The following RTN1 variants were observed in gnomAD, a reference collection of about 807,000 sequenced individuals.
RTN1 encodes the protein reticulon-1.
A neutral mutation model predicts 65.5 loss-of-function variants in RTN1; 25 were observed. The observed-to-expected ratio is 0.38, with a 90% CI of 0.28 to 0.53. The LOEUF is 0.53. Among genes scored for constraint, RTN1 ranks in the 20% least tolerant of loss-of-function variants. The pLI, the probability that RTN1 is intolerant of heterozygous loss-of-function variation, is 0.79. For synonymous variants in RTN1, 471 were observed against 447.6 expected (o/e 1.05, Z -0.66); for missense variants, 983 against 1,025.4 (o/e 0.96, Z 0.57).
rs77180956 is a variant in RTN1 at position 59,745,908 on chromosome 14, C to T, written c.815G>A (p.Arg272His). ...PYIDDLSEEQRRAPQITTPVK... is the reference protein window; with the variant it reads ...PYIDDLSEEQHRAPQITTPVK... ...AGGGGTGGTGATCTGAGGAGCCCTG[C>T]GCTGTTCTTCAGAGAGATCATCTAT... The change falls in exon 2 of 9, where the codon CGC becomes CAC. Residue 272 changes from arginine to histidine, a missense_variant. Around this residue, in one of 2 missense-constraint regions of RTN1, gnomAD observed 818 missense variants for 801.8 expected, o/e 1.02. Coordinates refer to ENST00000267484, the MANE Select transcript of RTN1 (RefSeq NM_021136.3). 2.1e-3 allele frequency: 3,448 copies of T among 1,613,960 alleles called. 63 individuals are homozygous for T. In the African/African-American group the frequency reaches 0.041, roughly 19 times the overall value.
intron 8 of RTN1, among the ~76,000 whole-genome samples, chr14:59,599,494 G>C (rs7151795): frequency 0.96 from 146,490 of 152,270 alleles, 70,668 homozygotes; most frequent in East Asian, 1. Flanking sequence ...ACATACCTTG[G>C]CCCAGACACA....
At chr14:59,679,748 C>A (rs565356916) in intron 3 of RTN1, among the ~76,000 whole-genome samples, 12 of 152,192 alleles carry the variant, frequency 7.9e-5, no homozygotes, top group Non-Finnish European at 1.8e-4. Flanking sequence ...CTTATTGCCA[C>A]AGACACTTCA....
Position 59,727,685 on chromosome 14 carries a change from C to A in RTN1, c.1016-17G>T, listed in dbSNP as rs763522719. 6.4e-7 allele frequency: 1 copy of A among 1,571,174 alleles called. No individual in the cohort carries two copies. Among genetic ancestry groups the A allele is most frequent in the South Asian group, 1.2e-5 (1 of 85,216 alleles). The stretch of plus-strand genomic sequence containing the variant: ...CAGATGGTTCTGTCGTCCCACAGAG[C>A]GAAGGAGAGCCACGGAGGCACACAC... On this transcript the variant is annotated splice_polypyrimidine_tract_variant and intron_variant, in intron 2 of 8. Transcript: ENST00000267484. The surrounding 1 kb of genome is among the most constrained non-coding windows in gnomAD (Gnocchi z 4.2).
chr14:59,770,026 TA>T (rs1414088195), intron 1 of RTN1, among the ~76,000 whole-genome samples: 2 of 152,112 alleles, frequency 1.3e-5, no homozygotes, highest in African/African-American at 4.8e-5. Flanking sequence ...CTGTCACGTA[TA>T]GTTGACACTA....
At chr14:59,814,714 T>C (rs1886788849) in intron 1 of RTN1, among the ~76,000 whole-genome samples, 1 of 152,224 alleles carries the variant, frequency 6.6e-6, no homozygotes, top group African/African-American at 2.4e-5. Context: ...ATCTCATTCA[T>C]TCACTCATGT....
chr14:59,694,096 T>C (rs1440714342), intron 3 of RTN1, among the ~76,000 whole-genome samples: 7 of 152,206 alleles, frequency 4.6e-5, no homozygotes, highest in African/African-American at 1.7e-4. Flanking sequence ...TAATGCTAAA[T>C]ACCACCTTTC....
chr14:59,830,148 T>C (rs141867294), intron 1 of RTN1, among the ~76,000 whole-genome samples: 54 of 152,316 alleles, frequency 3.5e-4, no homozygotes, highest in East Asian at 5.8e-4. Flanking sequence ...CACCCTGCTG[T>C]TACAATTCCT....
At chr14:59,764,642 A>G (rs1276064704) in intron 1 of RTN1, among the ~76,000 whole-genome samples, 1 of 152,160 alleles carries the variant, frequency 6.6e-6, no homozygotes, top group Non-Finnish European at 1.5e-5. Context: ...AAAAATTGCA[A>G]ATAATCACTA....
intron 3 of RTN1, among the ~76,000 whole-genome samples, chr14:59,724,613 C>G (rs889842372): frequency 6.6e-6 from 1 of 152,092 alleles, no homozygotes; most frequent in Admixed American, 6.5e-5. Flanking sequence ...GCCTGTAATC[C>G]CAGCACTTTG....
intron 3 of RTN1, among the ~76,000 whole-genome samples, chr14:59,688,303 T>C (rs1172271741): frequency 6.6e-6 from 1 of 152,082 alleles, no homozygotes; most frequent in African/African-American, 2.4e-5. Flanking sequence ...TTTCAGCCAC[T>C]CCCCACCACC....
intron 1 of RTN1, among the ~76,000 whole-genome samples, chr14:59,866,489 C>A (rs1887800745): frequency 6.6e-6 from 1 of 151,988 alleles, no homozygotes; most frequent in Non-Finnish European, 1.5e-5. Flanking sequence ...GGAAAGTTAA[C>A]CTGAAAGCCT....
intron 3 of RTN1, among the ~76,000 whole-genome samples, chr14:59,689,048 T>C (rs1260832134): frequency 6.6e-6 from 1 of 151,788 alleles, no homozygotes; most frequent in East Asian, 1.9e-4. Context: ...CACGACAAGG[T>C]TGAAAATCAA....
chr14:59,687,533 A>G (rs1883872913), intron 3 of RTN1, among the ~76,000 whole-genome samples: 1 of 151,608 alleles, frequency 6.6e-6, no homozygotes, highest in African/African-American at 2.4e-5. Flanking sequence ...AGATCCTGGT[A>G]CAGCAGGCGT....
At chr14:59,787,060 G>C (rs1886261791) in intron 1 of RTN1, among the ~76,000 whole-genome samples, 1 of 152,096 alleles carries the variant, frequency 6.6e-6, no homozygotes, top group Admixed American at 6.5e-5. Context: ...AAGTTCAGAT[G>C]GTCTTCAGCT....
Position 59,727,714 on chromosome 14 carries a change from GAC to G in RTN1, c.1016-48_1016-47del. 6.5e-7 allele frequency: 1 copy of G among 1,531,818 alleles called. No homozygotes were observed. Among genetic ancestry groups the G allele is most frequent in the Non-Finnish European group, 8.8e-7 (1 of 1,141,220 alleles). The allele number at this position is 1,531,818 out of a possible 1,614,324, so 94.9% of individuals were successfully genotyped here. The stretch of plus-strand genomic sequence containing the variant: ...GGAGAGCCACGGAGGCACACACACG[GAC>G]AGACAGATGGACAGAGAGAGGAGGG... On this transcript the variant is annotated intron_variant, in intron 2 of 8. Coordinates refer to ENST00000267484, the MANE Select transcript of RTN1 (RefSeq NM_021136.3). The surrounding 1 kb of genome is among the most constrained non-coding windows in gnomAD (Gnocchi z 4.2).
chr14:59,604,113 T>G, intron 5 of RTN1, 192 bp from the exon 6 acceptor site: 1 of 398,684 alleles, frequency 2.5e-6, no homozygotes. Flanking sequence ...TGGAACTATT[T>G]GGATCACTTT....
At chr14:59,832,566 A>G (rs1887144229) in intron 1 of RTN1, among the ~76,000 whole-genome samples, 1 of 152,218 alleles carries the variant, frequency 6.6e-6, no homozygotes, top group East Asian at 1.9e-4. Context: ...GAAAGCCAAC[A>G]TCTTTCTAAA....
intron 2 of RTN1, among the ~76,000 whole-genome samples, chr14:59,744,479 G>A (rs1326866955): frequency 4.6e-5 from 7 of 152,200 alleles, no homozygotes; most frequent in Admixed American, 4.6e-4. Flanking sequence ...GTGTTTGACA[G>A]AATACGCATG....
At chr14:59,675,188 G>A (rs1594671523) in intron 3 of RTN1, among the ~76,000 whole-genome samples, 2 of 152,094 alleles carry the variant, frequency 1.3e-5, no homozygotes, top group Non-Finnish European at 1.5e-5. Context: ...AGAGGGTCAG[G>A]GAAGGTTTCC....
Sources: gnomAD v4.1 joint callset for allele counts (sites outside exome capture counted in the v4.1 genomes callset) on GRCh38, gnomAD v4.1.1 for gene constraint, gnomAD v4.1.1 regional missense constraint, Gnocchi (gnomAD v3.1) non-coding constraint, MANE v1.5 for transcripts, NCBI Gene and HGNC (gene_info 2026-07-23, HGNC 2026-07-21) for gene names.